The following DLG2 variants were observed in gnomAD, a reference collection of about 807,000 sequenced individuals.
DLG2 encodes the protein discs large MAGUK scaffold protein 2.
In DLG2, 45 loss-of-function variants were observed where a neutral mutation model predicts 132.5. That is an observed-to-expected ratio of 0.34 (90% CI 0.27 to 0.44). The LOEUF is 0.44. DLG2 is among the 20% of genes least tolerant of loss of function. The probability of loss-of-function intolerance (pLI) is 1.00; values close to 1 mark genes in which losing one functional copy is unlikely to be tolerated. For missense variants in DLG2, 1,045 were observed against 1,196.9 expected (o/e 0.87, Z 1.87); for synonymous variants, 424 against 419.6 (o/e 1.01, Z -0.13).
intron 6 of DLG2, among the ~76,000 whole-genome samples, chr11:84,607,148 T>G (rs1239003727): frequency 6.6e-6 from 1 of 152,106 alleles, no homozygotes; most frequent in Non-Finnish European, 1.5e-5. Context: ...TTCAATGAGA[T>G]AGTGAGTCAC....
intron 4 of DLG2, among the ~76,000 whole-genome samples, chr11:85,273,620 G>T (rs1344489658): frequency 6.6e-6 from 1 of 152,176 alleles, no homozygotes; most frequent in Admixed American, 6.5e-5. Context: ...TGCTGGAGAG[G>T]ATGTGGAGAA....
At chr11:85,237,484 T>C (rs1301193599) in intron 4 of DLG2, among the ~76,000 whole-genome samples, 1 of 152,066 alleles carries the variant, frequency 6.6e-6, no homozygotes, top group Non-Finnish European at 1.5e-5. Context: ...CTCTGACCTT[T>C]GTGCAGTCAA....
rs949492010 is a variant in DLG2, at chr11:84,013,300, T to C, written c.920-32658A>G. On this transcript the variant is annotated intron_variant, in intron 11 of 27. Coordinates refer to ENST00000376104, the MANE Select transcript of DLG2 (RefSeq NM_001142699.3). The stretch of plus-strand genomic sequence containing the variant: ...CTACTTTTTCTCATGGCACTAAGCT[T>C]CTAGACTTCATACTACACATCTCCT... 1.2e-3 allele frequency among the ~76,000 whole-genome samples: 189 copies of C among 152,228 alleles called. 1 individual carries two copies. The highest frequency in any genetic ancestry group is 1.2e-4 in the Non-Finnish European group (8 of 68,012).
chr11:85,345,641 C>T (rs908410378), intron 3 of DLG2, among the ~76,000 whole-genome samples: 4 of 151,990 alleles, frequency 2.6e-5, no homozygotes, highest in South Asian at 2.1e-4. Flanking sequence ...TTTCATATTC[C>T]CATAAAATAC....
intron 21 of DLG2, among the ~76,000 whole-genome samples, chr11:83,527,362 G>A (rs540233150): frequency 6.6e-6 from 1 of 152,228 alleles, no homozygotes; most frequent in East Asian, 1.9e-4. Flanking sequence ...ACCTCTCTAA[G>A]CCTCAGTTTC....
chr11:85,612,256 T>C (rs747419709), intron 2 of DLG2, among the ~76,000 whole-genome samples: 19 of 151,978 alleles, frequency 1.3e-4, no homozygotes, highest in Non-Finnish European at 2.2e-4. Flanking sequence ...AGCCTTCCTA[T>C]CAAAAATCCT....
Position 85,408,046 on chromosome 11 carries a change from C to T in DLG2, c.41-122681G>A, listed in dbSNP as rs531481116. Among the ~76,000 whole-genome samples the T allele has an allele frequency of 7.3e-5, 11 of 151,556 alleles. 1 individual carries two copies. In the South Asian group the frequency reaches 2.3e-3, roughly 32 times the overall value. ...GACTGACAGTCTATAACACAAAATG[C>T]TAAAAGTATTTATTTCTCAATAACA... On this transcript the variant is annotated intron_variant, in intron 3 of 27. Transcript: ENST00000376104.
intron 4 of DLG2, among the ~76,000 whole-genome samples, chr11:85,226,580 C>A (rs1341344271): frequency 6.6e-6 from 1 of 151,926 alleles, no homozygotes; most frequent in African/African-American, 2.4e-5. Flanking sequence ...AACATACAGA[C>A]ACGATAACAG....
At chr11:85,034,837 T>C (rs911486072) in intron 6 of DLG2, among the ~76,000 whole-genome samples, 1 of 152,182 alleles carries the variant, frequency 6.6e-6, no homozygotes, top group African/African-American at 2.4e-5. Flanking sequence ...GTATCCTTGA[T>C]GATTCTTTTT....
intron 6 of DLG2, among the ~76,000 whole-genome samples, chr11:84,882,319 A>AG (rs1341831648): frequency 1.5e-5 from 2 of 129,708 alleles, no homozygotes; most frequent in Non-Finnish European, 3.1e-5. Context: ...AACAAAAGGC[A>AG]AAAAAGAAAA....
intron 6 of DLG2, among the ~76,000 whole-genome samples, chr11:84,658,807 CCTG>C (rs1167392198): frequency 2.6e-5 from 4 of 152,154 alleles, no homozygotes; most frequent in Non-Finnish European, 5.9e-5. Flanking sequence ...GTTTGTACAG[CCTG>C]CTGAACTATA....
At chr11:84,934,503 T>C (rs2048454503) in intron 6 of DLG2, among the ~76,000 whole-genome samples, 1 of 80,094 alleles carries the variant, frequency 1.2e-5, no homozygotes, top group Non-Finnish European at 2.2e-5. Context: ...TGGTCCTGGG[T>C]GTTTTTTTTT....
At chr11:83,608,707 G>GAC (rs3040167) in intron 19 of DLG2, among the ~76,000 whole-genome samples, 10,473 of 149,964 alleles carry the variant, frequency 0.07, 437 homozygotes, top group South Asian at 0.12. Flanking sequence ...AATAAATCAG[G>GAC]ACACACACAC....
intron 16 of DLG2, among the ~76,000 whole-genome samples, chr11:83,846,411 A>G (rs1400322724): frequency 1.3e-5 from 2 of 152,216 alleles, no homozygotes; most frequent in East Asian, 1.9e-4. Flanking sequence ...TGTGAATGCA[A>G]TAACTTCTAT....
At chr11:85,110,542 A>G (rs1224472343) in intron 6 of DLG2, among the ~76,000 whole-genome samples, 1 of 152,112 alleles carries the variant, frequency 6.6e-6, no homozygotes, top group Non-Finnish European at 1.5e-5. Flanking sequence ...CTGAGTCTCC[A>G]GCACATCTGG....
intron 6 of DLG2, among the ~76,000 whole-genome samples, chr11:84,842,530 G>C (rs953728168): frequency 6.6e-6 from 1 of 151,908 alleles, no homozygotes; most frequent in African/African-American, 2.4e-5. Context: ...AAAATCAATA[G>C]TTCATCCTTT....
chr11:84,907,814 G>A (rs1316957802), intron 6 of DLG2, among the ~76,000 whole-genome samples: 2 of 152,102 alleles, frequency 1.3e-5, no homozygotes, highest in African/African-American at 2.4e-5. Flanking sequence ...CACTTGAGAG[G>A]CTGTACATTT....
intron 8 of DLG2, among the ~76,000 whole-genome samples, chr11:84,222,357 A>G (rs963552100): frequency 6.6e-6 from 1 of 152,126 alleles, no homozygotes; most frequent in African/African-American, 2.4e-5. Flanking sequence ...TATAAATATT[A>G]CTTTCTGATG....
chr11:84,734,476 C>T (rs1043224835), intron 6 of DLG2, among the ~76,000 whole-genome samples: 11 of 152,162 alleles, frequency 7.2e-5, no homozygotes, highest in Admixed American at 6.6e-4. Flanking sequence ...GTGATTTTTG[C>T]ACATTGATTT....
Sources: gnomAD v4.1 joint callset for allele counts (sites outside exome capture counted in the v4.1 genomes callset) on GRCh38, gnomAD v4.1.1 for gene constraint, MANE v1.5 for transcripts, NCBI Gene and HGNC (gene_info 2026-07-23, HGNC 2026-07-21) for gene names.